CCDC171: variants seen among roughly 807,000 people sequenced by gnomAD.
The protein encoded by CCDC171 is coiled-coil domain containing 171.
Under a neutral mutation model 168.2 loss-of-function variants are expected in CCDC171, and 177 were observed. The observed-to-expected ratio is 1.05, with a 90% confidence interval of 0.93 to 1.19. CCDC171 has a LOEUF of 1.19. Ranked by LOEUF, CCDC171 falls within the 50% of genes most tolerant of loss-of-function variation. CCDC171 has a pLI of 0.00. For synonymous variants in CCDC171, 687 were observed against 540.8 expected (o/e 1.27, Z -3.75); for missense variants, 1,991 against 1,539.0 (o/e 1.29, Z -4.91).
chr9:16,058,678 T>G (rs1833882261), intron 1 of CCDC171, among the ~76,000 whole-genome samples: 1 of 152,184 alleles, frequency 6.6e-6, no homozygotes, highest in Non-Finnish European at 1.5e-5. Flanking sequence ...GTGTTTCCTT[T>G]GAGATACTTC....
Position 15,578,879 on chromosome 9 carries a change from C to T in CCDC171, c.208C>T (p.Leu70=). The T allele has an allele frequency of 1.2e-6, 2 of 1,613,424 alleles. No homozygotes were observed. Among genetic ancestry groups the T allele is most frequent in the Non-Finnish European group, 1.7e-6 (2 of 1,179,718 alleles). ...AAGCTATGAGAGCCAGATTGCCAAG[C>T]TACGGTCCGAGGTTGAAAAGGGAGA... The part of the protein sequence containing the change: ...LASYESQIAK[L]RSEVEKGEAL... Residue 70 remains leucine, a synonymous_variant, in exon 4 of 26, where the codon CTA becomes TTA. Coordinates refer to ENST00000380701, the MANE Select transcript of CCDC171 (RefSeq NM_173550.4).
chr9:15,903,448 C>G (rs553172443), intron 24 of CCDC171, among the ~76,000 whole-genome samples: 32 of 152,292 alleles, frequency 2.1e-4, no homozygotes, highest in African/African-American at 7.5e-4. Context: ...CCAGCAAACT[C>G]CAACAGACCT....
intron 11 of CCDC171, among the ~76,000 whole-genome samples, chr9:15,707,008 C>T (rs1211358927): frequency 6.6e-6 from 1 of 152,216 alleles, no homozygotes; most frequent in African/African-American, 2.4e-5. Context: ...ATATTGCCTA[C>T]ACCTAGTATC....
At chr9:15,959,160 G>C (rs1450073691) in intron 25 of CCDC171, among the ~76,000 whole-genome samples, 1 of 152,116 alleles carries the variant, frequency 6.6e-6, no homozygotes, top group African/African-American at 2.4e-5. Flanking sequence ...TTGCCACTGA[G>C]GCTGCTGAAT....
chr9:15,865,388 G>GTGTGTA (rs2061734522), intron 23 of CCDC171, among the ~76,000 whole-genome samples: 1 of 151,506 alleles, frequency 6.6e-6, no homozygotes, highest in Non-Finnish European at 1.5e-5. Context: ...TCATATTTGT[G>GTGTGTA]TGTGTGTGTA....
intron 24 of CCDC171, among the ~76,000 whole-genome samples, chr9:15,905,104 A>G (rs1387272431): frequency 3.3e-5 from 5 of 152,318 alleles, no homozygotes; most frequent in African/African-American, 1.2e-4. Flanking sequence ...TCAACATTAG[A>G]CAGATCAACG....
intron 3 of CCDC171, 25 bp from the exon 4 acceptor site, chr9:15,578,824 G>T (rs371488743): frequency 6.3e-7 from 1 of 1,595,938 alleles, no homozygotes. Flanking sequence ...TTGGACACAT[G>T]TTGATATCAG....
chr9:15,643,304 A>G (rs1020299825), intron 7 of CCDC171, among the ~76,000 whole-genome samples: 1 of 152,112 alleles, frequency 6.6e-6, no homozygotes, highest in Non-Finnish European at 1.5e-5. Context: ...CAAGAACCTT[A>G]TCCTTTATAC....
In CCDC171 at chr9:15,571,671, CAG is replaced by C; in HGVS notation, c.92_93del (p.Glu31ValfsTer5). On this transcript the variant is annotated frameshift_variant, in exon 3 of 26. Transcript: ENST00000380701. LOFTEE classifies it high-confidence loss of function. ...GTAAAACAAATACTTAAAAATGAAA[CAG>C]AGTTGGATATTACTGATAATCTCAG... is the stretch of plus-strand genomic sequence containing the variant. The C allele has an allele frequency of 1.3e-6, 2 of 1,567,076 alleles. No homozygotes were observed. Among genetic ancestry groups the C allele is most frequent in the Non-Finnish European group, 1.7e-6 (2 of 1,164,136 alleles).
intron 6 of CCDC171, among the ~76,000 whole-genome samples, chr9:15,608,851 G>A (rs574127613): frequency 9.4e-4 from 139 of 147,210 alleles, no homozygotes; most frequent in Non-Finnish European, 1.6e-3. Context: ...CTGGCTACTA[G>A]GGAGGCTGAG....
At chr9:15,699,767 T>C (rs1045680914) in intron 11 of CCDC171, among the ~76,000 whole-genome samples, 5 of 152,130 alleles carry the variant, frequency 3.3e-5, no homozygotes, top group African/African-American at 1.2e-4. Flanking sequence ...ATCCCTGAGC[T>C]AGACATAAAG....
At chr9:15,633,557 C>T (rs572234273) in intron 7 of CCDC171, among the ~76,000 whole-genome samples, 1 of 152,138 alleles carries the variant, frequency 6.6e-6, no homozygotes, top group East Asian at 1.9e-4. Context: ...GAAATAGGAA[C>T]ACTTTTACAC....
intron 3 of CCDC171, among the ~76,000 whole-genome samples, chr9:15,995,653 A>T (rs1448501573): frequency 6.6e-6 from 1 of 152,226 alleles, no homozygotes; most frequent in African/African-American, 2.4e-5. Context: ...ATCAGATTTT[A>T]ATCAGTGATG....
chr9:16,014,127 C>G (rs1391239440), intron 3 of CCDC171, among the ~76,000 whole-genome samples: 1 of 152,254 alleles, frequency 6.6e-6, no homozygotes, highest in African/African-American at 2.4e-5. Context: ...CCTCTCAACC[C>G]TTGCCACTGC....
chr9:16,062,030 A>G (rs748677230), downstream of CCDC171, among the ~76,000 whole-genome samples: 4 of 152,308 alleles, frequency 2.6e-5, no homozygotes, highest in East Asian at 5.8e-4. Flanking sequence ...CAGGAATTGT[A>G]CAATTCACTG....
At chr9:15,942,950 C>G (rs1004615496) in intron 25 of CCDC171, among the ~76,000 whole-genome samples, 6 of 151,764 alleles carry the variant, frequency 4.0e-5, no homozygotes, top group African/African-American at 1.5e-4. Flanking sequence ...GAATGTCAGC[C>G]CACCTGAGAA....
At chr9:15,746,048 A>G (rs1201572802) in intron 18 of CCDC171, among the ~76,000 whole-genome samples, 1 of 151,998 alleles carries the variant, frequency 6.6e-6, no homozygotes. Flanking sequence ...ATATTTTTTT[A>G]CTTTTTCTAG....
Position 15,729,793 on chromosome 9 carries a change from GC to G in CCDC171, c.2045del (p.Ala682AspfsTer15). 6.2e-7 allele frequency: 1 copy of G among 1,605,970 alleles called. No individual in the cohort carries two copies. Among genetic ancestry groups the G allele is most frequent in the Non-Finnish European group, 8.5e-7 (1 of 1,174,678 alleles). On this transcript the variant is annotated frameshift_variant, in exon 16 of 26. Coordinates refer to ENST00000380701, the MANE Select transcript of CCDC171 (RefSeq NM_173550.4). LOFTEE classifies it high-confidence loss of function. Reference protein sequence around the residue: ...SELFLEVQKRAQKFQEIAEKN... With the variant: ...SELFLEVQKRXQKFQEIAEKN... ...ACTCTTCCTGGAGGTGCAGAAGAGG[GC>G]ACAGGTATGCTACCTTTACAAAGAG...
chr9:15,591,328 C>A, intron 4 of CCDC171, 38 bp from the exon 5 acceptor site: 2 of 1,314,034 alleles, frequency 1.5e-6, no homozygotes, highest in Non-Finnish European at 2.1e-6. Flanking sequence ...TTATTTAATT[C>A]ATGGTTGTAA....
Sources: gnomAD v4.1 joint callset for allele counts (sites outside exome capture counted in the v4.1 genomes callset) on GRCh38, gnomAD v4.1.1 for gene constraint, MANE v1.5 for transcripts, NCBI Gene and HGNC (gene_info 2026-07-23, HGNC 2026-07-21) for gene names.